MACROD1: variants seen among roughly 807,000 people sequenced by gnomAD.
MACROD1 encodes the protein mono-ADP ribosylhydrolase 1.
In MACROD1, 31 loss-of-function variants were observed where a neutral mutation model predicts 41.4. The observed-to-expected ratio is 0.75, with a 90% CI of 0.56 to 1.01. The LOEUF (loss-of-function observed/expected upper bound fraction) is 1.01. Among genes scored for constraint, MACROD1 ranks in the 50% least tolerant of loss-of-function variants. MACROD1 has a pLI of 0.00. For synonymous variants in MACROD1, 252 were observed against 203.4 expected, an observed-to-expected ratio of 1.24 and a Z score of -2.03; for missense variants, 473 against 460.0, an observed-to-expected ratio of 1.03 and a Z score of -0.26.
At chr11:64,040,878 C>T (rs1353466962) in intron 3 of MACROD1, among the ~76,000 whole-genome samples, 2 of 152,072 alleles carry the variant, frequency 1.3e-5, no homozygotes, top group African/African-American at 2.4e-5. Flanking sequence ...GCCTCCCAGG[C>T]AGACCGCAGG....
chr11:64,031,476 C>CTTTTTTTTTT (rs386373983), intron 3 of MACROD1, among the ~76,000 whole-genome samples: 3 of 114,932 alleles, frequency 2.6e-5, no homozygotes, highest in African/African-American at 1.1e-4. Context: ...GCCTGCCTTC[C>CTTTTTTTTTT]TTTTTTTTTT....
chr11:64,108,182 G>A (rs1023987185), intron 3 of MACROD1, among the ~76,000 whole-genome samples: 5 of 152,108 alleles, frequency 3.3e-5, no homozygotes, highest in Non-Finnish European at 7.4e-5. Context: ...GCGTGGTGGT[G>A]CATGCCTGTA....
chr11:64,018,050 C>T (rs1481741662), intron 3 of MACROD1, among the ~76,000 whole-genome samples: 1 of 151,954 alleles, frequency 6.6e-6, no homozygotes, highest in African/African-American at 2.4e-5. Context: ...CCGGCCAGAG[C>T]CTGAGGAGGG....
At chr11:64,014,587 G>A (rs7940749) in intron 4 of MACROD1, among the ~76,000 whole-genome samples, 1,997 of 152,338 alleles carry the variant, frequency 0.013, 20 homozygotes, top group South Asian at 0.036. Flanking sequence ...TGGCCAGCTG[G>A]GGGGCTGCAG....
At chr11:64,066,386 T>C (rs1188291721) in intron 3 of MACROD1, among the ~76,000 whole-genome samples, 2 of 147,000 alleles carry the variant, frequency 1.4e-5, no homozygotes, top group Non-Finnish European at 3.0e-5. Context: ...GCCGAGGTGG[T>C]AGGATCACTA....
At chr11:64,115,493 G>C (rs1944961150) in intron 3 of MACROD1, among the ~76,000 whole-genome samples, 1 of 152,076 alleles carries the variant, frequency 6.6e-6, no homozygotes. Context: ...CTGATGAAAA[G>C]AGATTTCTGT....
intron 3 of MACROD1, among the ~76,000 whole-genome samples, chr11:64,129,605 C>T (rs1168891530): frequency 6.6e-6 from 1 of 152,142 alleles, no homozygotes; most frequent in African/African-American, 2.4e-5. Context: ...CAGGGAGGCC[C>T]AGGTTCTTGG....
At chr11:64,032,857 AAAG>A (rs1943312246) in intron 3 of MACROD1, among the ~76,000 whole-genome samples, 1 of 152,054 alleles carries the variant, frequency 6.6e-6, no homozygotes, top group African/African-American at 2.4e-5. Context: ...CTTCCAAGAT[AAAG>A]AAGAGGCACT....
rs1939264 is a variant in MACROD1 at position 64,077,057 on chromosome 11, A to C, written c.518-61776T>G. 1.9e-4 allele frequency among the ~76,000 whole-genome samples: 29 copies of C among 151,272 alleles called. No homozygotes were observed. In the South Asian group the frequency reaches 5.9e-3, roughly 31 times the overall value. On this transcript the variant is annotated intron_variant, in intron 3 of 10. Transcript: ENST00000255681. ...GGGAGGGAGGGAGATAGGGCAGGGT[A>C]GGGGGGTCCACAGACCCCAGACCCC...
intron 3 of MACROD1, among the ~76,000 whole-genome samples, chr11:64,017,516 C>G (rs570631270): frequency 1.3e-5 from 2 of 152,200 alleles, no homozygotes; most frequent in Admixed American, 6.5e-5. Context: ...GTCTGAGGGT[C>G]GGTCAGAGGG....
intron 3 of MACROD1, among the ~76,000 whole-genome samples, chr11:64,142,982 G>GCCACA: frequency 6.6e-6 from 1 of 151,938 alleles, no homozygotes; most frequent in Non-Finnish European, 1.5e-5. Flanking sequence ...TGGGAGGGGT[G>GCCACA]GCATGCCTGT....
At chr11:64,023,785 C>T (rs1184997034) in intron 3 of MACROD1, among the ~76,000 whole-genome samples, 2 of 152,184 alleles carry the variant, frequency 1.3e-5, no homozygotes, top group East Asian at 3.8e-4. Context: ...TGTTTGCCCA[C>T]GTCCACTCCA....
Position 64,067,198 on chromosome 11 carries a change from G to A in MACROD1, c.518-51917C>T, listed in dbSNP as rs552270650. Among the ~76,000 whole-genome samples the A allele has an allele frequency of 7.2e-5, 11 of 152,258 alleles. No homozygotes were observed. The highest frequency in any genetic ancestry group is 2.2e-4 in the African/African-American group (9 of 41,562). On this transcript the variant is annotated intron_variant, in intron 3 of 10. Transcript: ENST00000255681. This position sits in a 1 kb window ranked among gnomAD's most constrained non-coding sequence, Gnocchi z 4.6. ...ACCTGTAGGCACATGCGGCTCCAAG[G>A]AGATGGCAGATGGGAGGGGTGGGGA... is the stretch of plus-strand genomic sequence containing the variant.
chr11:64,054,146 C>T (rs952494152), intron 3 of MACROD1, among the ~76,000 whole-genome samples: 2 of 152,200 alleles, frequency 1.3e-5, no homozygotes, highest in African/African-American at 2.4e-5. Flanking sequence ...TGGAGCCCCA[C>T]GGCTAGCCAG....
At chr11:64,015,168 A>G in intron 4 of MACROD1, 84 bp downstream of exon 4, 1 of 1,391,268 alleles carries the variant, frequency 7.2e-7, no homozygotes, top group Non-Finnish European at 9.6e-7. Flanking sequence ...TGAGATGGGC[A>G]CCGAGGGCGA....
intron 8 of MACROD1, 99 bp downstream of exon 8, chr11:63,999,232 C>T (rs1942772644): frequency 4.1e-6 from 6 of 1,457,816 alleles, no homozygotes; most frequent in African/African-American, 1.4e-5. Flanking sequence ...AGGGGCGGGC[C>T]TGGCCCTGCG....
At chr11:64,100,680 A>G (rs556913976) in intron 3 of MACROD1, among the ~76,000 whole-genome samples, 275 of 152,294 alleles carry the variant, frequency 1.8e-3, no homozygotes, top group Middle Eastern at 3.4e-3. Context: ...CACACAAGGG[A>G]AGAGCCACAG....
At position 64,082,544 on chromosome 11, in the gene MACROD1, T is replaced by A. The variant is rs1944322985; in HGVS notation, c.518-67263A>T. Among the ~76,000 whole-genome samples, 1 of 151,048 alleles carries A rather than the reference T, an allele frequency of 6.6e-6. No homozygotes were observed. The highest frequency in any genetic ancestry group is 1.5e-5 in the Non-Finnish European group (1 of 67,762). On this transcript the variant is annotated intron_variant, in intron 3 of 10. Coordinates refer to ENST00000255681, the MANE Select transcript of MACROD1 (RefSeq NM_014067.4). The surrounding 1 kb of genome is among the most constrained non-coding windows in gnomAD (Gnocchi z 4.5). Reference sequence around the variant, plus strand: ...TGCCTAACGGTGGTGGCCGTGGGAGTCAGAGCTCCAGGCGGAAGTAGGGTT... The same window carrying A: ...TGCCTAACGGTGGTGGCCGTGGGAGACAGAGCTCCAGGCGGAAGTAGGGTT...
chr11:64,137,602 T>G (rs1945350002), intron 3 of MACROD1, among the ~76,000 whole-genome samples: 2 of 152,004 alleles, frequency 1.3e-5, no homozygotes, highest in South Asian at 4.2e-4. Context: ...CTGGGCCGGG[T>G]CAGGAGAGGA....
Sources: allele counts gnomAD v4.1 joint callset (sites outside exome capture counted in the v4.1 genomes callset), GRCh38; gene constraint gnomAD v4.1.1; non-coding constraint Gnocchi (gnomAD v3.1); transcripts MANE v1.5; gene names NCBI Gene and HGNC (gene_info 2026-07-23, HGNC 2026-07-21).